Variants in QTMAN observed in about 807,000 individuals in gnomAD.
QTMAN encodes the protein queuosine-tRNA mannosyltransferase.
chr2:144,171,417 C>T, the QTMAN span, among the ~76,000 whole-genome samples: 497 of 152,214 alleles, frequency 3.3e-3, 1 homozygote, highest in African/African-American at 0.01. Context: ...CTTTCACCTC[C>T]GTGACAGTAT....
the QTMAN span, among the ~76,000 whole-genome samples, chr2:143,981,234 A>G: frequency 6.6e-6 from 1 of 152,228 alleles, no homozygotes; most frequent in African/African-American, 2.4e-5. Flanking sequence ...GCAGGTATTC[A>G]AAATACGGCT....
the QTMAN span, among the ~76,000 whole-genome samples, chr2:144,192,862 A>G: frequency 6.6e-6 from 1 of 152,364 alleles, no homozygotes; most frequent in Admixed American, 6.5e-5. Context: ...TGAAGAATGT[A>G]CATTAGAACA....
At chr2:144,172,621 CAAAAAAAA>C in the QTMAN span, among the ~76,000 whole-genome samples, 11 of 51,360 alleles carry the variant, frequency 2.1e-4, no homozygotes, top group African/African-American at 5.2e-4. Flanking sequence ...AAGACTCTGT[CAAAAAAAA>C]AAAAAAAAAA....
At chr2:144,052,904 C>G in the QTMAN span, among the ~76,000 whole-genome samples, 1 of 152,322 alleles carries the variant, frequency 6.6e-6, no homozygotes, top group Middle Eastern at 3.4e-3. Context: ...CCACCTTGGC[C>G]TCCCAAAGTG....
At chr2:144,082,861 T>C in the QTMAN span, among the ~76,000 whole-genome samples, 3 of 152,022 alleles carry the variant, frequency 2.0e-5, no homozygotes, top group African/African-American at 7.2e-5. Context: ...CTTGAGGGGT[T>C]ATCATCTAAA....
At chr2:143,991,404 C>T in the QTMAN span, among the ~76,000 whole-genome samples, 12 of 151,228 alleles carry the variant, frequency 7.9e-5, no homozygotes, top group East Asian at 5.9e-4. Flanking sequence ...GCCCCCCGCC[C>T]GGCCAGCTGC....
At chr2:144,263,232 C>T in the QTMAN span, among the ~76,000 whole-genome samples, 1 of 150,812 alleles carries the variant, frequency 6.6e-6, no homozygotes, top group Non-Finnish European at 1.5e-5. Context: ...ACATTTAAAA[C>T]TATACTGTTC....
At chr2:144,259,308 G>A in the QTMAN span, among the ~76,000 whole-genome samples, 105 of 152,226 alleles carry the variant, frequency 6.9e-4, no homozygotes, top group African/African-American at 2.4e-3. Context: ...ACAGACACAC[G>A]TCACCTCACC....
the QTMAN span, among the ~76,000 whole-genome samples, chr2:144,068,284 CAT>C: frequency 6.6e-6 from 1 of 152,124 alleles, no homozygotes; most frequent in Non-Finnish European, 1.5e-5. Flanking sequence ...AGTACATTTT[CAT>C]CAAGTGCTGC....
At chr2:144,186,800 A>G in the QTMAN span, among the ~76,000 whole-genome samples, 7 of 152,174 alleles carry the variant, frequency 4.6e-5, no homozygotes, top group Non-Finnish European at 1.0e-4. Context: ...TTGCCACATT[A>G]GGTTCATGTT....
chr2:144,133,212 T>A, the QTMAN span, among the ~76,000 whole-genome samples: 1 of 78,308 alleles, frequency 1.3e-5, no homozygotes, highest in Non-Finnish European at 2.2e-5. Flanking sequence ...TATTTATATA[T>A]ACATATATAA....
At chr2:144,224,842 G>T in the QTMAN span, among the ~76,000 whole-genome samples, 1 of 152,148 alleles carries the variant, frequency 6.6e-6, no homozygotes, top group Non-Finnish European at 1.5e-5. Flanking sequence ...ACTGTTTTGT[G>T]ATATTATCAT....
At chr2:144,038,604 C>T in the QTMAN span, among the ~76,000 whole-genome samples, 1 of 152,112 alleles carries the variant, frequency 6.6e-6, no homozygotes, top group African/African-American at 2.4e-5. Flanking sequence ...AGAATTGTTC[C>T]TGCTGTCTGA....
chr2:144,064,387 AATT>A, the QTMAN span, among the ~76,000 whole-genome samples: 2 of 152,216 alleles, frequency 1.3e-5, no homozygotes, highest in Non-Finnish European at 2.9e-5. Flanking sequence ...ATTTCTTTCA[AATT>A]ATTATTGTGT....
At chr2:143,952,188 A>G in the QTMAN span, 1 of 662,990 alleles carries the variant, frequency 1.5e-6, no homozygotes. Flanking sequence ...CGTGTTTTAC[A>G]TTATTTAAGC....
At chr2:144,188,508 C>CGGATGGATGGATGGATGGAT in the QTMAN span, among the ~76,000 whole-genome samples, 1 of 148,632 alleles carries the variant, frequency 6.7e-6, no homozygotes, top group African/African-American at 2.5e-5. Flanking sequence ...CTTTTGCAAT[C>CGGATGGATGGATGGATGGAT]GGATGGATGG....
chr2:144,223,009 A>G, the QTMAN span, among the ~76,000 whole-genome samples: 2 of 152,220 alleles, frequency 1.3e-5, no homozygotes, highest in African/African-American at 2.4e-5. Context: ...ATAAATATTA[A>G]CCAATGGCAA....
the QTMAN span, among the ~76,000 whole-genome samples, chr2:144,133,456 AAT>A: frequency 1.1e-4 from 5 of 44,440 alleles, no homozygotes; most frequent in African/African-American, 3.6e-4. Context: ...TATAATATAT[AAT>A]ATATATTATA....
At chr2:144,101,235 A>G in the QTMAN span, among the ~76,000 whole-genome samples, 1 of 152,078 alleles carries the variant, frequency 6.6e-6, no homozygotes, top group Non-Finnish European at 1.5e-5. Context: ...GACATTTTCC[A>G]AAGTTTTATT....
Sources: allele counts gnomAD v4.1 joint callset (sites outside exome capture counted in the v4.1 genomes callset), GRCh38; gene constraint gnomAD v4.1.1; transcripts MANE v1.5; gene names NCBI Gene and HGNC (gene_info 2026-07-23, HGNC 2026-07-21).